ISM2: variants seen among roughly 807,000 people sequenced by gnomAD.
The protein encoded by ISM2 is isthmin 2.
In ISM2, 50 loss-of-function variants were observed where a neutral mutation model predicts 58.0. The observed-to-expected ratio is 0.86, with a 90% CI of 0.69 to 1.09. The LOEUF (loss-of-function observed/expected upper bound fraction) is 1.09. Among genes scored for constraint, ISM2 ranks in the 50% least tolerant of loss-of-function variants. The pLI, the probability that ISM2 is intolerant of heterozygous loss-of-function variation, is 0.00. For missense variants in ISM2, 723 were observed against 745.0 expected (o/e 0.97, Z 0.34); for synonymous variants, 303 against 312.4 (o/e 0.97, Z 0.32).
intron 1 of ISM2, among the ~76,000 whole-genome samples, chr14:77,493,022 C>T (rs1203253856): frequency 6.6e-6 from 1 of 152,100 alleles, no homozygotes; most frequent in Non-Finnish European, 1.5e-5. Flanking sequence ...AAGACAGGGT[C>T]TCATTCTGTC....
At chr14:77,498,467 C>T (rs1366968624) in intron 1 of ISM2, 186 bp downstream of exon 1, 1 of 1,181,274 alleles carries the variant, frequency 8.5e-7, no homozygotes, top group Non-Finnish European at 1.2e-6. Flanking sequence ...GAGTGGAAGC[C>T]CCGAAGTCCG....
At position 77,484,411 on chromosome 14, in the gene ISM2, G is replaced by A. The variant is rs766483517; in HGVS notation, c.539C>T (p.Thr180Ile). 3 of 1,613,156 alleles carry A rather than the reference G, an allele frequency of 1.9e-6. No homozygotes were observed. In the Admixed American group the frequency reaches 5.0e-5, roughly 27 times the overall value. ...CAGCAGCAAGGGAGTAACCTCCTGG[G>A]TCCTGGGAGGCGTGGCATTCCCTGG... Reference protein sequence around the residue: ...LTPGNATPPRTQEVTPLLLEL... With the variant: ...LTPGNATPPRIQEVTPLLLEL... The change falls in exon 3 of 7, where the codon ACC becomes ATC. Residue 180 changes from threonine to isoleucine, a missense_variant. Physicochemically the swap from Thr to Ile is moderately conservative, Grantham distance 89. Transcript: ENST00000342219.
chr14:77,477,944 G>A (rs1424198070), intron 6 of ISM2, among the ~76,000 whole-genome samples: 1 of 152,176 alleles, frequency 6.6e-6, no homozygotes, highest in African/African-American at 2.4e-5. Flanking sequence ...AGGAATGGAA[G>A]TCAGAACGTC....
chr14:77,478,137 C>T, intron 6 of ISM2, 105 bp downstream of exon 6: 2 of 907,614 alleles, frequency 2.2e-6, no homozygotes. Context: ...GCTGTGCTCT[C>T]TGCCTAGTGG....
chr14:77,491,980 G>A (rs926106436), intron 1 of ISM2, among the ~76,000 whole-genome samples: 1 of 151,178 alleles, frequency 6.6e-6, no homozygotes, highest in Non-Finnish European at 1.5e-5. Flanking sequence ...ACAGGCGTGA[G>A]CCACCGCCCA....
chr14:77,481,951 T>G (rs1398888987), intron 4 of ISM2, among the ~76,000 whole-genome samples: 1 of 150,670 alleles, frequency 6.6e-6, no homozygotes, highest in African/African-American at 2.4e-5. Context: ...AATAAAAAAA[T>G]TAGCCTGCCC....
chr14:77,475,100 C>T lies in ISM2; in HGVS notation c.*495G>A, dbSNP rs1256159601. 1 of 53,100 alleles carries T rather than the reference C, an allele frequency of 1.9e-5. No homozygotes were observed. Among genetic ancestry groups the T allele is most frequent in the Non-Finnish European group, 4.5e-5 (1 of 22,024 alleles). The allele number at this position is 53,100 out of a possible 1,614,324, so 3.3% of individuals were successfully genotyped here. A position where few individuals can be genotyped will look rare whatever the true frequency, so the allele number is the denominator to read the frequency against. On this transcript the variant is annotated 3_prime_UTR_variant, in exon 7 of 7. Transcript: ENST00000342219. The surrounding 1 kb of genome is among the most constrained non-coding windows in gnomAD (Gnocchi z 4.1). ...ACCCAGAGATAAGGAGGGGTGGCCACCCAGGCTGGATGCCCCCCCCGGCAA... is the reference window on the plus strand; with the variant it reads ...ACCCAGAGATAAGGAGGGGTGGCCATCCAGGCTGGATGCCCCCCCCGGCAA...
intron 1 of ISM2, among the ~76,000 whole-genome samples, chr14:77,496,276 G>A (rs1004159003): frequency 6.6e-6 from 1 of 150,782 alleles, no homozygotes; most frequent in African/African-American, 2.4e-5. Context: ...GTCACCTGAG[G>A]TCGGGAGTTC....
chr14:77,486,873 C>T (rs1027394421), intron 1 of ISM2, among the ~76,000 whole-genome samples: 1 of 151,128 alleles, frequency 6.6e-6, no homozygotes, highest in Non-Finnish European at 1.5e-5. Flanking sequence ...AGGAATGCTG[C>T]CACATAGCCT....
At position 77,478,310 on chromosome 14, in the gene ISM2, T is replaced by C. The variant is rs772002505; in HGVS notation, c.1130A>G (p.Asp377Gly). ...LPSCPGTEDKDTLGLPSEEWK... is the reference protein window; with the variant it reads ...LPSCPGTEDKGTLGLPSEEWK... ...CTCCTCACTGGGGAGGCCCAAGGTG[T>C]CCTTGTCCTCAGTGCCTTTGGGAGG... The change falls in exon 6 of 7, where the codon GAC becomes GGC. Residue 377 changes from aspartate to glycine, a missense_variant. By Grantham distance (94) the Asp-to-Gly change is moderately conservative (BLOSUM62 -1). Transcript: ENST00000342219. 3 of 1,613,964 alleles carry C rather than the reference T, an allele frequency of 1.9e-6. No individual in the cohort carries two copies. Among genetic ancestry groups the C allele is most frequent in the East Asian group, 2.2e-5 (1 of 44,892 alleles).
chr14:77,498,496 C>T (rs1352401760), intron 1 of ISM2, 157 bp downstream of exon 1: 2 of 1,235,848 alleles, frequency 1.6e-6, no homozygotes, highest in Non-Finnish European at 1.1e-6. Context: ...GGGCAACGCC[C>T]GGTGTCCGGG....
In ISM2 at chr14:77,475,943, C is replaced by T. The variant is rs770383767; in HGVS notation, c.1368G>A (p.Arg456=). The T allele has an allele frequency of 1.3e-6, 2 of 1,599,250 alleles. No individual in the cohort carries two copies. The highest frequency in any genetic ancestry group is 2.2e-5 in the South Asian group (2 of 90,980). ...DEHQGRSFRW[R]DASGPRERLD... is the part of the protein sequence containing the mutation. The stretch of plus-strand genomic sequence containing the variant: ...GGCGCTCGCGAGGGCCACTGGCATC[C>T]CTCCACCGGAAGCTGCGGCCCTGGT... The change falls in exon 7 of 7, where the codon AGG becomes AGA. Residue 456 remains arginine (R), a synonymous_variant. Coordinates refer to ENST00000342219, the MANE Select transcript of ISM2 (RefSeq NM_199296.3). This position sits in a 1 kb window ranked among gnomAD's most constrained non-coding sequence, Gnocchi z 4.1.
intron 4 of ISM2, among the ~76,000 whole-genome samples, chr14:77,479,822 G>C (rs2079121091): frequency 6.6e-6 from 1 of 151,998 alleles, no homozygotes; most frequent in South Asian, 2.1e-4. Context: ...GCTAAGCCTG[G>C]CTAATTTTTA....
At chr14:77,480,784 C>A (rs1175104643) in intron 4 of ISM2, among the ~76,000 whole-genome samples, 1 of 151,722 alleles carries the variant, frequency 6.6e-6, no homozygotes, top group Non-Finnish European at 1.5e-5. Flanking sequence ...TCACAAACTC[C>A]TGAGCTCAAG....
intron 4 of ISM2, among the ~76,000 whole-genome samples, chr14:77,481,741 A>G (rs1394666352): frequency 6.6e-6 from 1 of 152,104 alleles, no homozygotes; most frequent in Non-Finnish European, 1.5e-5. Context: ...TATAATAGTA[A>G]CAAATGTCTT....
chr14:77,476,656 C>CT (rs1490248418), intron 6 of ISM2, among the ~76,000 whole-genome samples: 5 of 152,038 alleles, frequency 3.3e-5, no homozygotes, highest in Admixed American at 1.3e-4. Flanking sequence ...GAAACGTGGC[C>CT]TTTTTTTAAA....
intron 1 of ISM2, among the ~76,000 whole-genome samples, chr14:77,486,665 C>T (rs138846528): frequency 1.3e-5 from 2 of 152,294 alleles, no homozygotes; most frequent in Non-Finnish European, 2.9e-5. Flanking sequence ...CAGGCAGTCT[C>T]GGAGCAGCAG....
At chr14:77,478,052 A>C (rs907817065) in intron 6 of ISM2, among the ~76,000 whole-genome samples, 190 bp downstream of exon 6, 1 of 152,242 alleles carries the variant, frequency 6.6e-6, no homozygotes, top group Non-Finnish European at 1.5e-5. Flanking sequence ...TAGGAATACC[A>C]GTCTGAGAAA....
chr14:77,480,906 G>A (rs1226529311), intron 4 of ISM2, among the ~76,000 whole-genome samples: 26 of 152,040 alleles, frequency 1.7e-4, no homozygotes. Context: ...GAATTGGGAA[G>A]AGCCTGTCAC....
Sources: allele counts gnomAD v4.1 joint callset (sites outside exome capture counted in the v4.1 genomes callset), GRCh38; gene constraint gnomAD v4.1.1; non-coding constraint Gnocchi (gnomAD v3.1); transcripts MANE v1.5; gene names NCBI Gene and HGNC (gene_info 2026-07-23, HGNC 2026-07-21).